The following PSEN1 variants were observed in gnomAD, a reference collection of about 807,000 sequenced individuals.
The protein encoded by PSEN1 is presenilin 1, also known as presenilin-1.
Under a neutral mutation model 53.5 loss-of-function variants are expected in PSEN1, and 15 were observed. The ratio of observed to expected loss-of-function variants is 0.28; its 90% CI spans 0.19 to 0.43. The LOEUF is 0.43. PSEN1 is among the 20% of genes least tolerant of loss of function. The pLI is 1.00. For synonymous variants in PSEN1, 208 were observed against 209.8 expected (o/e 0.99, Z 0.08); for missense variants, 387 against 571.2 (o/e 0.68, Z 3.29).
intron 1 of PSEN1, among the ~76,000 whole-genome samples, chr14:73,142,046 G>A (rs1171582233): frequency 3.3e-5 from 5 of 149,574 alleles, no homozygotes; most frequent in Non-Finnish European, 5.9e-5. Flanking sequence ...CAGCCTGGGC[G>A]ACAGAGGGAG....
chr14:73,213,175 T>TA (rs1347976503), intron 10 of PSEN1, among the ~76,000 whole-genome samples: 1 of 152,212 alleles, frequency 6.6e-6, no homozygotes, highest in Non-Finnish European at 1.5e-5. Flanking sequence ...TGCCTGCTCT[T>TA]ACAGCAGGCT....
At chr14:73,175,115 GTTTTT>G (rs983373688) in intron 5 of PSEN1, among the ~76,000 whole-genome samples, 1 of 151,778 alleles carries the variant, frequency 6.6e-6, no homozygotes, top group Admixed American at 6.6e-5. Context: ...GAGGTCAGGA[GTTTTT>G]TTTGTTTTTT....
At chr14:73,158,498 G>A (rs1365822296) in intron 3 of PSEN1, among the ~76,000 whole-genome samples, 1 of 152,094 alleles carries the variant, frequency 6.6e-6, no homozygotes, top group East Asian at 1.9e-4. Context: ...GCTAATTTTT[G>A]TATTTGTAGT....
chr14:73,155,067 T>G (rs1304319743), intron 3 of PSEN1, among the ~76,000 whole-genome samples: 1 of 152,238 alleles, frequency 6.6e-6, no homozygotes, highest in African/African-American at 2.4e-5. Context: ...TTCTGAAAGT[T>G]TATCCTATAA....
Position 73,223,504 on chromosome 14 carries a change from A to G in PSEN1, c.*4215A>G, listed in dbSNP as rs1434042627. On this transcript the variant is annotated 3_prime_UTR_variant, in exon 12 of 12. Coordinates refer to ENST00000324501, the MANE Select transcript of PSEN1 (RefSeq NM_000021.4). Reference sequence around the variant, plus strand: ...TTGGAGGTGCTGGGGTGAGGGTTTCAGTGGGATCATTTACTCTCACATGTT... The same window carrying G: ...TTGGAGGTGCTGGGGTGAGGGTTTCGGTGGGATCATTTACTCTCACATGTT... The G allele has an allele frequency of 6.6e-6, 1 of 152,258 alleles. No individual in the cohort carries two copies. Among genetic ancestry groups the G allele is most frequent in the African/African-American group, 2.4e-5 (1 of 41,454 alleles). The allele number at this position is 152,258 out of a possible 1,614,324, so 9.4% of individuals were successfully genotyped here.
At chr14:73,163,524 C>G (rs1478713240) in intron 3 of PSEN1, among the ~76,000 whole-genome samples, 1 of 152,226 alleles carries the variant, frequency 6.6e-6, no homozygotes, top group Non-Finnish European at 1.5e-5. Flanking sequence ...AGGTCAATAA[C>G]ATGTGCTGTC....
At chr14:73,214,893 G>A (rs1205257293) in intron 10 of PSEN1, among the ~76,000 whole-genome samples, 2 of 152,160 alleles carry the variant, frequency 1.3e-5, no homozygotes, top group Non-Finnish European at 2.9e-5. Flanking sequence ...TATACCTAGT[G>A]TCTTTGAACG....
chr14:73,202,069 A>T (rs1899210864), intron 8 of PSEN1, among the ~76,000 whole-genome samples: 1 of 149,388 alleles, frequency 6.7e-6, no homozygotes, highest in South Asian at 2.1e-4. Flanking sequence ...TTTTTGAGGT[A>T]AGTCTTGCTC....
chr14:73,187,085 G>A (rs547549246), intron 6 of PSEN1, among the ~76,000 whole-genome samples, 165 bp downstream of exon 6: 1 of 152,310 alleles, frequency 6.6e-6, no homozygotes, highest in South Asian at 2.1e-4. Flanking sequence ...ATTACTAATT[G>A]AGACATTCTT....
chr14:73,184,665 C>T (rs1898403499), intron 5 of PSEN1, among the ~76,000 whole-genome samples: 2 of 149,212 alleles, frequency 1.3e-5, no homozygotes, highest in African/African-American at 2.5e-5. Context: ...CACCTCCCTC[C>T]CGGACGGAGC....
intron 1 of PSEN1, among the ~76,000 whole-genome samples, chr14:73,142,003 C>T (rs1437238250): frequency 6.7e-6 from 1 of 149,848 alleles, no homozygotes; most frequent in African/African-American, 2.5e-5. Flanking sequence ...GGAGGCGGAG[C>T]TTGCAGTGAG....
In PSEN1 at chr14:73,173,715, T is replaced by C; in HGVS notation, c.480+8T>C. 1.2e-6 allele frequency: 2 copies of C among 1,614,004 alleles called. No individual in the cohort carries two copies. The highest frequency in any genetic ancestry group is 1.7e-5 in the Admixed American group (1 of 60,024). On this transcript the variant is annotated splice_region_variant and intron_variant, in intron 5 of 11. Transcript: ENST00000324501. ...AAATACAGGTGCTATAAGGTGAGCA[T>C]GAGACACAGATCTTTGCTTTCCACC...
chr14:73,149,521 A>G (rs142195160), intron 3 of PSEN1, among the ~76,000 whole-genome samples: 2 of 152,282 alleles, frequency 1.3e-5, no homozygotes, highest in East Asian at 3.9e-4. Context: ...AAGATTTAGG[A>G]TTCTTCACTT....
chr14:73,148,219 T>A, intron 3 of PSEN1, 113 bp downstream of exon 3: 1 of 826,492 alleles, frequency 1.2e-6, no homozygotes, highest in Non-Finnish European at 2.0e-6. Flanking sequence ...TTTACCACAT[T>A]TATAATATAT....
At chr14:73,192,610 T>C in intron 6 of PSEN1, 34 bp from the exon 7 acceptor site, 1 of 1,412,668 alleles carries the variant, frequency 7.1e-7, no homozygotes. Flanking sequence ...AAAATTATTG[T>C]ACATCTTTTA....
intron 3 of PSEN1, among the ~76,000 whole-genome samples, chr14:73,166,156 C>G (rs924969219): frequency 6.6e-6 from 1 of 152,158 alleles, no homozygotes. Context: ...AAACAGTGTT[C>G]TAGTATCCAT....
intron 9 of PSEN1, among the ~76,000 whole-genome samples, chr14:73,209,299 A>C (rs1274129860): frequency 1.3e-5 from 2 of 152,198 alleles, no homozygotes; most frequent in Non-Finnish European, 2.9e-5. Flanking sequence ...CCATCTTTGC[A>C]GCAGCCACTC....
At chr14:73,211,490 C>A (rs1306018003) in intron 9 of PSEN1, among the ~76,000 whole-genome samples, 1 of 152,118 alleles carries the variant, frequency 6.6e-6, no homozygotes, top group Non-Finnish European at 1.5e-5. Context: ...TAGGAAGAGG[C>A]TTGGTGGGAT....
chr14:73,189,775 C>T, intron 6 of PSEN1: 1 of 212,802 alleles, frequency 4.7e-6, no homozygotes, highest in Non-Finnish European at 9.8e-6. Context: ...AGCAGAGATG[C>T]CAGCTGAGGT....
Sources: allele counts gnomAD v4.1 joint callset (sites outside exome capture counted in the v4.1 genomes callset), GRCh38; gene constraint gnomAD v4.1.1; transcripts MANE v1.5; gene names NCBI Gene and HGNC (gene_info 2026-07-23, HGNC 2026-07-21).